The following TCF20 variants were observed in gnomAD, a reference collection of about 807,000 sequenced individuals.
The protein encoded by TCF20 is SPRE-binding protein.
Under a neutral mutation model 148.6 loss-of-function variants are expected in TCF20, and 3 were observed. The observed-to-expected ratio is 0.02, with a 90% CI of 0.01 to 0.05. The LOEUF is 0.05. TCF20 is among the 10% of genes least tolerant of loss of function. The pLI, the probability that TCF20 is intolerant of heterozygous loss-of-function variation, is 1.00. For missense variants in TCF20, 2,350 were observed against 2,429.3 expected, an observed-to-expected ratio of 0.97 and a Z score of 0.69; for synonymous variants, 1,049 against 909.5, an observed-to-expected ratio of 1.15 and a Z score of -2.76.
At chr22:42,275,175 G>C (rs573950287), upstream of TCF20, 4 of 152,286 alleles carry the variant, frequency 2.6e-5, no homozygotes, top group African/African-American at 9.7e-5. Flanking sequence ...TCTGCAGGCC[G>C]ATAGGGAAAG....
intron 5 of TCF20, among the ~76,000 whole-genome samples, chr22:42,163,604 T>C (rs1857743437): frequency 6.6e-6 from 1 of 152,286 alleles, no homozygotes; most frequent in East Asian, 1.9e-4. Flanking sequence ...AGGCGACACA[T>C]GTAGCCCAAA....
chr22:42,281,124 G>A (rs1202933459), intron 1 of TCF20, among the ~76,000 whole-genome samples: 6 of 152,108 alleles, frequency 3.9e-5, no homozygotes, highest in Non-Finnish European at 8.8e-5. Flanking sequence ...CCCCTTGATC[G>A]GCATCCAAAC....
chr22:42,315,676 A>G (rs1320751006), intron 1 of TCF20, among the ~76,000 whole-genome samples: 3 of 152,198 alleles, frequency 2.0e-5, no homozygotes, highest in East Asian at 1.9e-4. Context: ...AGGGGGGCAC[A>G]TAAGACATCT....
chr22:42,286,818 C>T (rs1408093363), upstream of TCF20, among the ~76,000 whole-genome samples: 1 of 152,186 alleles, frequency 6.6e-6, no homozygotes, highest in African/African-American at 2.4e-5. Context: ...TGTGCCTCCT[C>T]GTACCAGGCC....
At chr22:42,181,707 A>C (rs1936784083) in intron 2 of TCF20, among the ~76,000 whole-genome samples, 1 of 151,244 alleles carries the variant, frequency 6.6e-6, no homozygotes, top group African/African-American at 2.4e-5. Context: ...TCCCAGGCTC[A>C]GGTGATTCTC....
intron 1 of TCF20, among the ~76,000 whole-genome samples, chr22:42,277,990 C>G (rs1388146071): frequency 6.6e-6 from 1 of 152,266 alleles, no homozygotes; most frequent in African/African-American, 2.4e-5. Flanking sequence ...CAGGACAAGA[C>G]GCTTATCAGC....
chr22:42,169,950 T>C (rs754929600), intron 3 of TCF20, 54 bp from the exon 4 acceptor site: 33 of 1,584,654 alleles, frequency 2.1e-5, no homozygotes, highest in Middle Eastern at 3.3e-4. Context: ...GACATAGGTG[T>C]GGTCATGCTG....
chr22:42,236,318 G>A (rs1923882586), intron 1 of TCF20, among the ~76,000 whole-genome samples: 1 of 152,202 alleles, frequency 6.6e-6, no homozygotes. Flanking sequence ...CTCTGTGACA[G>A]GTAATTTTTG....
chr22:42,293,159 G>A (rs1009912765), intron 1 of TCF20, among the ~76,000 whole-genome samples: 35 of 152,144 alleles, frequency 2.3e-4, no homozygotes, highest in African/African-American at 8.4e-4. Flanking sequence ...TGGCCCCCCA[G>A]CCCCTCGAAT....
Position 42,214,198 on chromosome 22 carries a change from G to T in TCF20, c.1108C>A (p.Pro370Thr), listed in dbSNP as rs1311188430. Residue 370 changes from proline (P) to threonine (T), a missense_variant, in exon 2 of 6, where the codon CCT (proline) becomes ACT (threonine). By Grantham distance (38) the Pro-to-Thr change is conservative (BLOSUM62 -1). Transcript: ENST00000677622. ...FHQNFSPISN[P>T]SPAASVVQSP... ...TGAACCACAGAGGCAGCTGGAGAAG[G>T]GTTAGAAATGGGGCTGAAGTTCTGG... 1.2e-6 allele frequency: 2 copies of T among 1,614,098 alleles called. No homozygotes were observed. Among genetic ancestry groups the T allele is most frequent in the East Asian group, 2.2e-5 (1 of 44,892 alleles).
Position 42,212,521 on chromosome 22 carries a change from T to C in TCF20, c.2785A>G (p.Lys929Glu). The part of the protein sequence containing the change: ...TKLKSQSGQI[K>E]EEDFEQSKSQ... ...TTAGACTGTTCAAAGTCTTCCTCTT[T>C]TATCTGCCCGCTCTGGGATTTCAGC... Residue 929 changes from lysine (K) to glutamate (E), a missense_variant, in exon 2 of 6, where the codon AAA becomes GAA. This residue lies in a region of TCF20 where 1,641 missense variants were observed against 1,662.6 expected (regional missense o/e 0.99). Transcript: ENST00000677622. 3 of 1,614,184 alleles carry C rather than the reference T, an allele frequency of 1.9e-6. No homozygotes were observed. The highest frequency in any genetic ancestry group is 8.5e-7 in the Non-Finnish European group (1 of 1,179,974).
upstream of TCF20, among the ~76,000 whole-genome samples, chr22:42,271,923 A>G (rs1336505528): frequency 6.6e-6 from 1 of 151,908 alleles, no homozygotes; most frequent in Non-Finnish European, 1.5e-5. Context: ...CTTTCACCCC[A>G]CCTAGCCATT....
rs998980334 is a variant in TCF20 at position 42,209,642 on chromosome 22, C to G, written c.5655+9G>C. 4 of 1,575,848 alleles carry G rather than the reference C, an allele frequency of 2.5e-6. No homozygotes were observed. The East Asian group carries it at 6.7e-5, about 27-fold the overall frequency. ...AATCCCAAGCTGGTAAGAGATTTCT[C>G]ATACTCACCATCTCTCTGGCTATTT... On this transcript the variant is annotated intron_variant, in intron 2 of 5. Transcript: ENST00000677622.
intron 3 of TCF20, among the ~76,000 whole-genome samples, chr22:42,175,044 A>C (rs866583495): frequency 2.6e-5 from 4 of 152,090 alleles, no homozygotes; most frequent in Middle Eastern, 6.8e-3. Context: ...CAAAAAACAA[A>C]AAAAAAAAGC....
chr22:42,205,526 G>C (rs1039608940), intron 2 of TCF20, among the ~76,000 whole-genome samples: 2 of 152,214 alleles, frequency 1.3e-5, no homozygotes, highest in Non-Finnish European at 2.9e-5. Flanking sequence ...TTAAGGGCAT[G>C]CTCATTAAGC....
chr22:42,270,317 C>G (rs1255566709), intron 1 of TCF20, among the ~76,000 whole-genome samples, 22 bp downstream of exon 1: 3 of 151,990 alleles, frequency 2.0e-5, no homozygotes, highest in Non-Finnish European at 4.4e-5. Flanking sequence ...CTCCCTGCCC[C>G]TCAGGCCCGG....
chr22:42,260,855 G>A (rs528010545), intron 1 of TCF20, among the ~76,000 whole-genome samples: 1 of 152,154 alleles, frequency 6.6e-6, no homozygotes, highest in Non-Finnish European at 1.5e-5. Context: ...AGGGGGAAAA[G>A]GAATCTAGAA....
chr22:42,340,080 A>T (rs1282525117), intron 1 of TCF20, among the ~76,000 whole-genome samples: 1 of 152,172 alleles, frequency 6.6e-6, no homozygotes, highest in Non-Finnish European at 1.5e-5. Context: ...ACCTGGTACA[A>T]ACAAGGTCTG....
At position 42,270,509 on chromosome 22, in the gene TCF20, C is replaced by A. The variant is rs1173228951; in HGVS notation, c.-207G>T. Among the ~76,000 whole-genome samples the A allele has an allele frequency of 6.9e-6, 1 of 144,892 alleles. No homozygotes were observed. The highest frequency in any genetic ancestry group is 1.5e-5 in the Non-Finnish European group (1 of 65,280). On this transcript the variant is annotated 5_prime_UTR_variant, in exon 1 of 6. Transcript: ENST00000677622. ...GGGCCGGGGCCGCGGCCCCTCGAGGCTCGCTCCGGCCCGCGCGCTCGCTCC... is the reference window on the plus strand; with the variant it reads ...GGGCCGGGGCCGCGGCCCCTCGAGGATCGCTCCGGCCCGCGCGCTCGCTCC...
Sources: gnomAD v4.1 joint callset for allele counts (sites outside exome capture counted in the v4.1 genomes callset) on GRCh38, gnomAD v4.1.1 for gene constraint, gnomAD v4.1.1 regional missense constraint, MANE v1.5 for transcripts, NCBI Gene and HGNC (gene_info 2026-07-23, HGNC 2026-07-21) for gene names.